The following PDE3B variants were observed in gnomAD, a reference collection of about 807,000 sequenced individuals.
The protein encoded by PDE3B is phosphodiesterase 3B, also known as cGMP-inhibited 3',5'-cyclic phosphodiesterase 3B.
In PDE3B, 66 loss-of-function variants were observed where a neutral mutation model predicts 116.8. That is an observed-to-expected ratio of 0.56 (90% CI 0.46 to 0.69). The LOEUF (loss-of-function observed/expected upper bound fraction) is 0.69, where lower values mean the gene tolerates loss of function less well. Among genes scored for constraint, PDE3B ranks in the 30% least tolerant of loss-of-function variants. The pLI, the probability that PDE3B is intolerant of heterozygous loss-of-function variation, is 0.00. For missense variants in PDE3B, 1,384 were observed against 1,368.1 expected (o/e 1.01, Z -0.18); for synonymous variants, 595 against 533.6 (o/e 1.12, Z -1.59).
intron 1 of PDE3B, among the ~76,000 whole-genome samples, chr11:14,740,498 C>G (rs1054540907): frequency 2.0e-5 from 3 of 152,100 alleles, no homozygotes; most frequent in Non-Finnish European, 1.5e-5. Flanking sequence ...CTCTTTTCAT[C>G]TTTATTAGTC....
In PDE3B at chr11:14,728,034, A is replaced by C. The variant is rs531711279; in HGVS notation, c.979-43903A>C. Among the ~76,000 whole-genome samples, 102 of 152,196 alleles carry C rather than the reference A, an allele frequency of 6.7e-4. No individual in the cohort carries two copies. The South Asian group carries it at 0.014, about 22-fold the overall frequency. ...ATAGTTCTACAAGTTTCTTACATTT[A>C]TCTATTATAGAAAGATCTATCATAC... is the stretch of plus-strand genomic sequence containing the variant. On this transcript the variant is annotated intron_variant, in intron 1 of 15. Transcript: ENST00000282096.
chr11:14,665,474 A>G (rs1483479061), intron 1 of PDE3B, among the ~76,000 whole-genome samples: 1 of 152,224 alleles, frequency 6.6e-6, no homozygotes, highest in African/African-American at 2.4e-5. Context: ...GAGGAAGTCA[A>G]ATTGTCCCTG....
At chr11:14,790,767 C>T (rs145358465) in intron 4 of PDE3B, among the ~76,000 whole-genome samples, 2 of 152,108 alleles carry the variant, frequency 1.3e-5, no homozygotes, top group African/African-American at 4.8e-5. Flanking sequence ...TTTAAAGAGA[C>T]CAGGCTAGAT....
intron 7 of PDE3B, among the ~76,000 whole-genome samples, chr11:14,824,770 G>A (rs1004768387): frequency 1.3e-5 from 2 of 152,074 alleles, no homozygotes; most frequent in African/African-American, 4.8e-5. Context: ...CCCAAACTCA[G>A]GAAATACAGA....
At chr11:14,692,283 TATATATA>T (rs1314455051) in intron 1 of PDE3B, among the ~76,000 whole-genome samples, 1 of 151,908 alleles carries the variant, frequency 6.6e-6, no homozygotes, top group Non-Finnish European at 1.5e-5. Context: ...CTAAAAATGA[TATATATA>T]ATAATAATAG....
Position 14,644,461 on chromosome 11 carries a change from T to TCTTCTTCCTCAC in PDE3B, c.389_400dup (p.Phe130_Thr133dup), listed in dbSNP as rs756728195. 1 of 1,612,954 alleles carries TCTTCTTCCTCAC rather than the reference T, an allele frequency of 6.2e-7. No individual in the cohort carries two copies. The highest frequency in any genetic ancestry group is 1.1e-5 in the South Asian group (1 of 91,024). On this transcript the variant is annotated inframe_insertion, in exon 1 of 16. Transcript: ENST00000282096. ...CCCCTCTTCAGCATCGCCTGTGCCT[T>TCTTCTTCCTCAC]CTTCTTCCTCACCTGCTTCCTCACC... is the stretch of plus-strand genomic sequence containing the variant.
the PDE3B span, chr11:14,892,109 G>A: frequency 6.2e-7 from 1 of 1,611,836 alleles, no homozygotes; most frequent in South Asian, 1.1e-5. Flanking sequence ...GGCCGCCTCT[G>A]CTTCAGCAGC....
At chr11:14,850,677 T>G (rs1311772996) in intron 12 of PDE3B, among the ~76,000 whole-genome samples, 1 of 152,320 alleles carries the variant, frequency 6.6e-6, no homozygotes, top group South Asian at 2.1e-4. Context: ...ATTCTTCTGG[T>G]ATATTATTTT....
intron 4 of PDE3B, among the ~76,000 whole-genome samples, chr11:14,798,730 A>T (rs1357059346): frequency 6.6e-6 from 1 of 152,122 alleles, no homozygotes; most frequent in East Asian, 1.9e-4. Flanking sequence ...AGAGGTGTTT[A>T]TAGTATCCTC....
chr11:14,818,669 T>C (rs1859412301), intron 6 of PDE3B, among the ~76,000 whole-genome samples: 4 of 152,146 alleles, frequency 2.6e-5, no homozygotes, highest in Admixed American at 2.6e-4. Flanking sequence ...AGATGATGGA[T>C]TCAGCCTATA....
chr11:14,736,332 T>C (rs376972776), intron 1 of PDE3B, among the ~76,000 whole-genome samples: 5 of 152,330 alleles, frequency 3.3e-5, no homozygotes, highest in African/African-American at 1.2e-4. Context: ...AGTGAGTGTT[T>C]TGGGGGTTTT....
intron 12 of PDE3B, among the ~76,000 whole-genome samples, chr11:14,852,050 G>A (rs1015298378): frequency 2.0e-5 from 3 of 152,130 alleles, no homozygotes; most frequent in African/African-American, 7.2e-5. Flanking sequence ...CCACTCTGCT[G>A]TTTTGTTTTG....
chr11:14,819,911 A>G (rs1859466109), intron 7 of PDE3B, among the ~76,000 whole-genome samples: 1 of 152,104 alleles, frequency 6.6e-6, no homozygotes, highest in Non-Finnish European at 1.5e-5. Context: ...AGGATGAGCA[A>G]TTTTATTAGC....
intron 1 of PDE3B, among the ~76,000 whole-genome samples, chr11:14,693,557 G>C (rs1855112674): frequency 6.6e-6 from 1 of 152,094 alleles, no homozygotes; most frequent in South Asian, 2.1e-4. Context: ...TACTCTACTT[G>C]AGCCCTGTAA....
At chr11:14,892,769 G>C in the PDE3B span, among the ~76,000 whole-genome samples, 4 of 152,162 alleles carry the variant, frequency 2.6e-5, no homozygotes. Flanking sequence ...TTTTGTGTGT[G>C]ATCTTTTAAT....
At chr11:14,891,086 A>G in the PDE3B span, 1 of 985,408 alleles carries the variant, frequency 1.0e-6, no homozygotes, top group Non-Finnish European at 1.2e-6. Context: ...AATTCAAAAC[A>G]AAACAGGTGA....
At chr11:14,892,638 GCAGT>G in the PDE3B span, among the ~76,000 whole-genome samples, 1 of 152,174 alleles carries the variant, frequency 6.6e-6, no homozygotes, top group Non-Finnish European at 1.5e-5. Context: ...GATCAACACT[GCAGT>G]CTTTAGCTGA....
At position 14,692,003 on chromosome 11, in the gene PDE3B, C is replaced by T. The variant is rs1053303941; in HGVS notation, c.978+46950C>T. 9.9e-5 allele frequency among the ~76,000 whole-genome samples: 15 copies of T among 152,240 alleles called. No individual in the cohort carries two copies. The South Asian group carries it at 1.0e-3, about 11-fold the overall frequency. On this transcript the variant is annotated intron_variant, in intron 1 of 15. Transcript: ENST00000282096. The stretch of plus-strand genomic sequence containing the variant: ...TAGTACCAGGCTAGGTGTGGTGGCT[C>T]ATGCCTGTAATCCCAGTACTTTGGG...
At chr11:14,744,483 T>C (rs1000855237) in intron 1 of PDE3B, among the ~76,000 whole-genome samples, 1 of 152,238 alleles carries the variant, frequency 6.6e-6, no homozygotes, top group Non-Finnish European at 1.5e-5. Context: ...TTTGTAGTTT[T>C]CATTGTCAAA....
Sources: allele counts gnomAD v4.1 joint callset (sites outside exome capture counted in the v4.1 genomes callset), GRCh38; gene constraint gnomAD v4.1.1; transcripts MANE v1.5; gene names NCBI Gene and HGNC (gene_info 2026-07-23, HGNC 2026-07-21).